Variants in GPC6 observed in about 807,000 individuals in gnomAD.
The protein encoded by GPC6 is glypican-6.
In GPC6, 14 loss-of-function variants were observed where a neutral mutation model predicts 55.2. That is an observed-to-expected ratio of 0.25 (90% CI 0.17 to 0.40). The LOEUF is 0.40. Among genes scored for constraint, GPC6 ranks in the 10% least tolerant of loss-of-function variants. The probability of loss-of-function intolerance (pLI) is 1.00; values close to 1 mark genes in which losing one functional copy is unlikely to be tolerated. For missense variants in GPC6, 641 were observed against 708.5 expected (o/e 0.90, Z 1.08); for synonymous variants, 278 against 259.6 (o/e 1.07, Z -0.68).
At chr13:93,627,167 C>T (rs1369359076) in intron 2 of GPC6, among the ~76,000 whole-genome samples, 1 of 152,030 alleles carries the variant, frequency 6.6e-6, no homozygotes, top group South Asian at 2.1e-4. Context: ...CCCCACCCCC[C>T]AATAGGCCCT....
chr13:93,963,817 AT>A (rs1173678310), intron 3 of GPC6, among the ~76,000 whole-genome samples: 1 of 152,188 alleles, frequency 6.6e-6, no homozygotes, highest in African/African-American at 2.4e-5. Context: ...AGATGTGACA[AT>A]TTTACCAAGA....
At chr13:94,012,690 C>T (rs1882297655) in intron 3 of GPC6, among the ~76,000 whole-genome samples, 1 of 152,178 alleles carries the variant, frequency 6.6e-6, no homozygotes, top group Non-Finnish European at 1.5e-5. Context: ...GTGTTTAAAG[C>T]TGTACATGTT....
intron 1 of GPC6, among the ~76,000 whole-genome samples, chr13:93,291,213 C>A (rs1202369145): frequency 6.6e-6 from 1 of 152,152 alleles, no homozygotes; most frequent in Non-Finnish European, 1.5e-5. Flanking sequence ...TCATCCACAT[C>A]TTGATGGCCA....
intron 3 of GPC6, among the ~76,000 whole-genome samples, chr13:93,894,329 T>C (rs1411511): frequency 0.66 from 100,450 of 151,968 alleles, 33,716 homozygotes; most frequent in East Asian, 0.81. Flanking sequence ...CTATTGGCTT[T>C]GTCATGGGAT....
At position 94,231,189 on chromosome 13, in the gene GPC6, G is replaced by A. The variant is rs575493295; in HGVS notation, c.878-55160G>A. ...GAGTGAGAAAATAATAAACACTGCC[G>A]TGTTCACATCATTATGTTGACCCAA... On this transcript the variant is annotated intron_variant, in intron 4 of 8. Coordinates refer to ENST00000377047, the MANE Select transcript of GPC6 (RefSeq NM_005708.5). 1.3e-3 allele frequency among the ~76,000 whole-genome samples: 203 copies of A among 152,212 alleles called. 1 individual carries two copies. In the Middle Eastern group the frequency reaches 0.017, roughly 13 times the overall value.
At chr13:94,159,242 G>T (rs749594623) in intron 4 of GPC6, among the ~76,000 whole-genome samples, 4 of 152,242 alleles carry the variant, frequency 2.6e-5, no homozygotes, top group African/African-American at 7.2e-5. Context: ...TGAAAAAGTG[G>T]TGGGCAGTAA....
chr13:93,918,239 A>G (rs185640823), intron 3 of GPC6, among the ~76,000 whole-genome samples: 2 of 152,308 alleles, frequency 1.3e-5, no homozygotes, highest in East Asian at 1.9e-4. Context: ...TCAGCACCTA[A>G]TATGTAGCAT....
At chr13:93,761,378 C>T (rs1884949703) in intron 2 of GPC6, among the ~76,000 whole-genome samples, 1 of 152,172 alleles carries the variant, frequency 6.6e-6, no homozygotes, top group Non-Finnish European at 1.5e-5. Context: ...CACATGGAGG[C>T]ACATCTTCAG....
chr13:93,356,845 T>C (rs1021463519), intron 1 of GPC6, among the ~76,000 whole-genome samples: 3 of 152,112 alleles, frequency 2.0e-5, no homozygotes, highest in Non-Finnish European at 4.4e-5. Flanking sequence ...TGGAATTGAC[T>C]TGTTGGGAGA....
chr13:94,058,326 T>A (rs1037819416), intron 4 of GPC6, among the ~76,000 whole-genome samples: 3 of 152,212 alleles, frequency 2.0e-5, no homozygotes, highest in Non-Finnish European at 4.4e-5. Context: ...CCTAGCCCAG[T>A]GCCAATGTTC....
intron 4 of GPC6, among the ~76,000 whole-genome samples, chr13:94,076,660 G>A (rs1412942229): frequency 6.6e-6 from 1 of 151,844 alleles, no homozygotes; most frequent in African/African-American, 2.4e-5. Flanking sequence ...TTTTATATAT[G>A]GTATAAGATA....
At chr13:93,234,340 A>C (rs1876161629) in intron 1 of GPC6, among the ~76,000 whole-genome samples, 1 of 152,122 alleles carries the variant, frequency 6.6e-6, no homozygotes, top group Non-Finnish European at 1.5e-5. Context: ...CCTGGGGGTC[A>C]TGTCGTCCTC....
intron 2 of GPC6, among the ~76,000 whole-genome samples, chr13:93,788,552 G>A (rs1397604459): frequency 9.1e-6 from 1 of 110,336 alleles, no homozygotes; most frequent in East Asian, 3.8e-4. Context: ...CACCTTGTCT[G>A]CTTGACAAAA....
intron 1 of GPC6, among the ~76,000 whole-genome samples, chr13:93,472,996 T>A (rs983278986): frequency 6.6e-6 from 1 of 152,192 alleles, no homozygotes; most frequent in African/African-American, 2.4e-5. Context: ...CTGTAGCTAG[T>A]TGACCCATCA....
At chr13:93,708,146 G>A (rs1298266628) in intron 2 of GPC6, among the ~76,000 whole-genome samples, 1 of 151,732 alleles carries the variant, frequency 6.6e-6, no homozygotes, top group East Asian at 1.9e-4. Flanking sequence ...TTCATGACAA[G>A]TCTAATTATT....
chr13:93,778,642 C>T (rs941606094), intron 2 of GPC6, among the ~76,000 whole-genome samples: 1 of 152,168 alleles, frequency 6.6e-6, no homozygotes, highest in African/African-American at 2.4e-5. Flanking sequence ...CCTGTTGTTA[C>T]ACCAAGCTTC....
At chr13:93,400,807 A>G (rs1207599254) in intron 1 of GPC6, among the ~76,000 whole-genome samples, 1 of 152,146 alleles carries the variant, frequency 6.6e-6, no homozygotes, top group African/African-American at 2.4e-5. Context: ...GAAAATAAAA[A>G]CTTCAGTGAA....
intron 4 of GPC6, among the ~76,000 whole-genome samples, chr13:94,132,275 G>A (rs1424091213): frequency 6.6e-6 from 1 of 152,168 alleles, no homozygotes; most frequent in Non-Finnish European, 1.5e-5. Flanking sequence ...TACAGGATCA[G>A]TGTAGTTATA....
intron 1 of GPC6, among the ~76,000 whole-genome samples, chr13:93,266,662 T>C (rs2139047406): frequency 6.6e-6 from 1 of 152,326 alleles, no homozygotes; most frequent in South Asian, 2.1e-4. Context: ...ATATACAGTT[T>C]GTATTAAGGT....
Sources: gnomAD v4.1 joint callset for allele counts (sites outside exome capture counted in the v4.1 genomes callset) on GRCh38, gnomAD v4.1.1 for gene constraint, MANE v1.5 for transcripts, NCBI Gene and HGNC (gene_info 2026-07-23, HGNC 2026-07-21) for gene names.